Variants in TARM1 observed in about 807,000 individuals in gnomAD.
TARM1 encodes T cell-interacting, activating receptor on myeloid cells 1, also known as T-cell-interacting, activating receptor on myeloid cells protein 1.
In TARM1, 24 loss-of-function variants were observed where a neutral mutation model predicts 30.4. That is an observed-to-expected ratio of 0.79 (90% CI 0.57 to 1.11). The LOEUF (loss-of-function observed/expected upper bound fraction) is 1.11. TARM1 is among the 50% of genes least tolerant of loss of function. TARM1 has a pLI of 0.00. For synonymous variants in TARM1, 129 were observed against 138.9 expected (o/e 0.93, Z 0.50); for missense variants, 323 against 332.8 (o/e 0.97, Z 0.23).
intron 1 of TARM1, chr19:54,076,245 C>CCTTT (rs587744412): frequency 8.6e-6 from 13 of 1,504,904 alleles, no homozygotes; most frequent in African/African-American, 2.8e-5. Context: ...CTTTTTCTTT[C>CCTTT]CTTTCTTTCT....
At chr19:54,080,451 C>G (rs2072094158) in intron 1 of TARM1, among the ~76,000 whole-genome samples, 1 of 107,162 alleles carries the variant, frequency 9.3e-6, no homozygotes. Flanking sequence ...GAGCGAGACT[C>G]CATCTCAAAA....
In TARM1 at chr19:54,069,963, G is replaced by A. The variant is rs2071766388; in HGVS notation, c.*40C>T. 4.7e-6 allele frequency: 7 copies of A among 1,491,200 alleles called. No homozygotes were observed. Among genetic ancestry groups the A allele is most frequent in the Non-Finnish European group, 6.4e-6 (7 of 1,095,290 alleles). The allele number at this position is 1,491,200 out of a possible 1,614,324, so 92.4% of individuals were successfully genotyped here. ...ACCCCCTGGGAATGCAGTCCAGCAG[G>A]TTGCAGCCTCAGTTTACCCAGCCCC... On this transcript the variant is annotated 3_prime_UTR_variant, in exon 5 of 5. Transcript: ENST00000432826.
intron 1 of TARM1, among the ~76,000 whole-genome samples, chr19:54,079,646 GT>G (rs1362511826): frequency 6.6e-6 from 1 of 151,684 alleles, no homozygotes; most frequent in Non-Finnish European, 1.5e-5. Context: ...GAGGCCAGGA[GT>G]TTGAGACCAG....
At chr19:54,076,335 T>TTTCTTTCTTTCTTTCA (rs1555774467) in intron 1 of TARM1, 168 of 506,680 alleles carry the variant, frequency 3.3e-4, no homozygotes, top group Non-Finnish European at 5.1e-4. Context: ...TTTTTCTTTC[T>TTTCTTTCTTTCTTTCA]TTCTTTCTTT....
chr19:54,076,251 TTTC>T, intron 1 of TARM1: 1 of 1,501,908 alleles, frequency 6.7e-7, no homozygotes, highest in Non-Finnish European at 8.9e-7. Context: ...CTTTCCTTTC[TTTC>T]TTTCTTTTTT....
At chr19:54,076,347 TTTCA>T (rs1568506630) in intron 1 of TARM1, 2 of 350,264 alleles carry the variant, frequency 5.7e-6, no homozygotes, top group Non-Finnish European at 8.8e-6. Flanking sequence ...TCTTTCTTTC[TTTCA>T]TTCATTCTTT....
intron 1 of TARM1, among the ~76,000 whole-genome samples, chr19:54,077,829 G>A (rs1397354488): frequency 6.6e-5 from 9 of 136,196 alleles, no homozygotes; most frequent in Middle Eastern, 4.3e-3. Flanking sequence ...TGCAACCTCC[G>A]CCTCGCGGGT....
intron 1 of TARM1, among the ~76,000 whole-genome samples, chr19:54,078,188 T>C (rs1189977804): frequency 1.5e-5 from 2 of 131,794 alleles, no homozygotes; most frequent in African/African-American, 2.9e-5. Context: ...CTTTTTTTTT[T>C]TTTTTTTTTT....
intron 1 of TARM1, among the ~76,000 whole-genome samples, chr19:54,080,483 A>AGG (rs2072097196): frequency 9.7e-6 from 1 of 103,254 alleles, no homozygotes; most frequent in Non-Finnish European, 1.9e-5. Flanking sequence ...AAAGAGAGAG[A>AGG]GAGGAAGGAA....
intron 2 of TARM1, 30 bp downstream of exon 2, chr19:54,075,853 C>A (rs1465788217): frequency 6.4e-7 from 1 of 1,550,390 alleles, no homozygotes; most frequent in African/African-American, 1.4e-5. Flanking sequence ...GATGACAGGC[C>A]AAGGAGGGTG....
In TARM1 at chr19:54,069,904, T is replaced by C. The variant is rs1303455308; in HGVS notation, c.*99A>G. The C allele has an allele frequency of 2.1e-6, 2 of 930,352 alleles. No homozygotes were observed. The highest frequency in any genetic ancestry group is 3.3e-5 in the African/African-American group (2 of 59,974). 57.6% of individuals were successfully genotyped at this position (930,352 alleles called of 1,614,324 possible). On this transcript the variant is annotated 3_prime_UTR_variant, in exon 5 of 5. Coordinates refer to ENST00000432826, the MANE Select transcript of TARM1 (RefSeq NM_001135686.3). ...TTGGGTCTTTGTGACCTGTATGTTG[T>C]GACCTGTCTCATCCTGTGACTTAGA...
intron 4 of TARM1, 39 bp downstream of exon 4, chr19:54,073,881 A>C: frequency 6.5e-7 from 1 of 1,528,880 alleles, no homozygotes; most frequent in South Asian, 1.2e-5. Context: ...CTGATTAAAA[A>C]CAACACACAC....
In TARM1 at chr19:54,074,963, A is replaced by C; in HGVS notation, c.222T>G (p.Asp74Glu). ...GIILESPKPL[D>E]STEGAAEFHL... Reference sequence around the variant, plus strand: ...GAAATTCGGCCGCGCCCTCTGTAGAATCAAGGGGCTTCGGGGACTCCAGAA... The same window carrying C: ...GAAATTCGGCCGCGCCCTCTGTAGACTCAAGGGGCTTCGGGGACTCCAGAA... Residue 74 changes from aspartate to glutamate, a missense_variant, in exon 3 of 5, where the codon GAT becomes GAG. By Grantham distance (45) the Asp-to-Glu change is conservative. Coordinates refer to ENST00000432826, the MANE Select transcript of TARM1 (RefSeq NM_001135686.3). 1 of 1,551,542 alleles carries C rather than the reference A, an allele frequency of 6.4e-7. No homozygotes were observed.
rs145741251 is a variant in TARM1, at chr19:54,075,787, G to A, written c.70+96C>T. On this transcript the variant is annotated intron_variant, in intron 2 of 4. Transcript: ENST00000432826. ...CAGCCTGGCGAAAGAGTGAGACTCC[G>A]TCAAAAAAAAAAGAGAAAAAGAGGG... 9.7e-4 allele frequency: 1,367 copies of A among 1,402,814 alleles called. 6 individuals carry two copies. In the African/African-American group the frequency reaches 0.016, roughly 17 times the overall value. 86.9% of individuals were successfully genotyped at this position (1,402,814 alleles called of 1,614,324 possible).
chr19:54,080,721 C>A (rs146960349), intron 1 of TARM1, among the ~76,000 whole-genome samples: 81 of 151,992 alleles, frequency 5.3e-4, no homozygotes, highest in African/African-American at 1.9e-3. Context: ...ATCTGTAATC[C>A]CAGCACTTTG....
rs1397387104 is a variant in TARM1 at position 54,073,994 on chromosome 19, C to G, written c.584G>C (p.Ser195Thr). ...DVTAGDAGNYSCMYYQTKSPF... is the reference protein window; with the variant it reads ...DVTAGDAGNYTCMYYQTKSPF... ...AGACTTTGTCTGGTAGTACATGCAG[C>G]TGTAGTTCCCAGCATCGCCGGCTGT... The change falls in exon 4 of 5, where the codon AGC (serine) becomes ACC (threonine). Residue 195 changes from serine (S) to threonine (T), a missense_variant. Coordinates refer to ENST00000432826, the MANE Select transcript of TARM1 (RefSeq NM_001135686.3). 1.3e-6 allele frequency: 2 copies of G among 1,551,672 alleles called. No individual in the cohort carries two copies. Among genetic ancestry groups the G allele is most frequent in the Non-Finnish European group, 1.7e-6 (2 of 1,147,002 alleles).
chr19:54,078,178 C>CTTTTTTTTTTTTT (rs869101071), intron 1 of TARM1, among the ~76,000 whole-genome samples: 3 of 67,804 alleles, frequency 4.4e-5, no homozygotes, highest in Non-Finnish European at 7.8e-5. Flanking sequence ...TTCTTTCTTT[C>CTTTTTTTTTTTTT]TTTTTTTTTT....
Position 54,070,067 on chromosome 19 carries a change from A to C in TARM1, c.752T>G (p.Leu251Arg). 1.3e-6 allele frequency: 2 copies of C among 1,551,638 alleles called. No individual in the cohort carries two copies. Among genetic ancestry groups the C allele is most frequent in the Non-Finnish European group, 1.7e-6 (2 of 1,146,980 alleles). ...AVIVVIMGAF[L>R]VEAWYSRNVS... The stretch of plus-strand genomic sequence containing the variant: ...ATTCCGGCTGTACCAGGCCTCCACC[A>C]GGAAAGCTCCCATGATAACCACAAT... Residue 251 changes from leucine (L) to arginine (R), a missense_variant, in exon 5 of 5, where the codon CTG (leucine) becomes CGG (arginine). Transcript: ENST00000432826.
At chr19:54,076,218 C>T in intron 1 of TARM1, 1 of 1,514,430 alleles carries the variant, frequency 6.6e-7, no homozygotes, top group Non-Finnish European at 8.8e-7. Flanking sequence ...TCATTCTTAC[C>T]ATTTCTTTCT....
Sources: allele counts gnomAD v4.1 joint callset (sites outside exome capture counted in the v4.1 genomes callset), GRCh38; gene constraint gnomAD v4.1.1; transcripts MANE v1.5; gene names NCBI Gene and HGNC (gene_info 2026-07-23, HGNC 2026-07-21).